The following ASPH variants were observed in gnomAD, a reference collection of about 807,000 sequenced individuals.
ASPH encodes the protein aspartyl/asparaginyl beta-hydroxylase.
In ASPH, 100 loss-of-function variants were observed where a neutral mutation model predicts 118.4. The ratio of observed to expected loss-of-function variants is 0.84; its 90% CI spans 0.72 to 1.00. The LOEUF (loss-of-function observed/expected upper bound fraction) is 1.00. Among genes scored for constraint, ASPH ranks in the 50% least tolerant of loss-of-function variants. The pLI is 0.00. For missense variants in ASPH, 920 were observed against 919.5 expected (o/e 1.00, Z -0.01); for synonymous variants, 315 against 325.6 (o/e 0.97, Z 0.35).
chr8:61,686,790 A>G, intron 1 of ASPH, among the ~76,000 whole-genome samples: 1 of 152,180 alleles, frequency 6.6e-6, no homozygotes, highest in East Asian at 1.9e-4. Context: ...AAACTTCAGT[A>G]AAACTGGGTT....
rs73259391 is a variant in ASPH at position 61,509,804 on chromosome 8, G to T, written c.2127-6295C>A. 9.2e-3 allele frequency among the ~76,000 whole-genome samples: 1,398 copies of T among 152,178 alleles called. 12 individuals are homozygous for T. The highest frequency in any genetic ancestry group is 0.032 in the African/African-American group (1,343 of 41,520). On this transcript the variant is annotated intron_variant, in intron 24 of 24. Coordinates refer to ENST00000379454, the MANE Select transcript of ASPH (RefSeq NM_004318.4). ...AGAAAAAGGAGAGATGTGAGTAGGG[G>T]GGGAGGGTCTCTGCTGCATTCTTGT...
intron 1 of ASPH, among the ~76,000 whole-genome samples, chr8:61,703,748 T>C (rs889196474): frequency 5.3e-5 from 8 of 152,186 alleles, no homozygotes; most frequent in Non-Finnish European, 8.8e-5. Flanking sequence ...GCATGCTTTA[T>C]TCTGTGGAAG....
chr8:61,713,454 A>G (rs1838559610), intron 1 of ASPH, among the ~76,000 whole-genome samples: 1 of 152,242 alleles, frequency 6.6e-6, no homozygotes, highest in Admixed American at 6.5e-5. Flanking sequence ...AAATCACTTC[A>G]AGTGAAGTTT....
intron 3 of ASPH, chr8:61,668,112 A>C: frequency 1.0e-6 from 1 of 965,632 alleles, no homozygotes; most frequent in Non-Finnish European, 1.5e-6. Context: ...GTTGCACCCA[A>C]GCAAGACCCA....
At chr8:61,689,332 AAT>A (rs1449104365) in intron 1 of ASPH, among the ~76,000 whole-genome samples, 1 of 152,132 alleles carries the variant, frequency 6.6e-6, no homozygotes, top group Non-Finnish European at 1.5e-5. Context: ...ATAAAATCTA[AAT>A]ATAGATAATT....
chr8:61,578,424 A>T, intron 15 of ASPH: 2 of 1,603,520 alleles, frequency 1.2e-6, no homozygotes, highest in Non-Finnish European at 1.7e-6. Context: ...AGTCATGGTC[A>T]ACCAGAGCCT....
intron 1 of ASPH, among the ~76,000 whole-genome samples, chr8:61,700,275 C>T (rs762995280): frequency 7.2e-5 from 11 of 152,188 alleles, no homozygotes; most frequent in Non-Finnish European, 1.3e-4. Flanking sequence ...AGGGGCCTCA[C>T]CCCCTTTTCC....
chr8:61,650,043 C>G (rs1450352795), intron 5 of ASPH, among the ~76,000 whole-genome samples: 3 of 152,170 alleles, frequency 2.0e-5, no homozygotes, highest in Non-Finnish European at 4.4e-5. Context: ...TCTGACCCCC[C>G]TTCTGAGTAA....
intron 12 of ASPH, among the ~76,000 whole-genome samples, chr8:61,636,081 G>A (rs1857588143): frequency 6.6e-6 from 1 of 152,080 alleles, no homozygotes; most frequent in African/African-American, 2.4e-5. Context: ...TCTATTATCT[G>A]CAACTGAAAG....
chr8:61,665,142 C>T (rs1818881102), intron 3 of ASPH: 1 of 1,471,734 alleles, frequency 6.8e-7, no homozygotes, highest in African/African-American at 1.4e-5. Flanking sequence ...CATTCAATGG[C>T]TAATTTACAC....
At chr8:61,551,141 G>A (rs1473642911) in intron 20 of ASPH, among the ~76,000 whole-genome samples, 2 of 152,184 alleles carry the variant, frequency 1.3e-5, no homozygotes, top group Admixed American at 1.3e-4. Flanking sequence ...GGAAGTTATG[G>A]GAATACCGAG....
chr8:61,646,657 A>C lies in ASPH; in HGVS notation c.619+93T>G, dbSNP rs1414366138. 27 of 1,299,996 alleles carry C rather than the reference A, an allele frequency of 2.1e-5. No homozygotes were observed. The Admixed American group carries it at 7.6e-4, about 36-fold the overall frequency. The allele number at this position is 1,299,996 out of a possible 1,614,324, so 80.5% of individuals were successfully genotyped here. The stretch of plus-strand genomic sequence containing the variant: ...ACTTTTAAAAATCTAAGCAAAAGTT[A>C]AATATCAGTTTTAAAGGGGTTTAAG... On this transcript the variant is annotated intron_variant, in intron 6 of 24. Coordinates refer to ENST00000379454, the MANE Select transcript of ASPH (RefSeq NM_004318.4).
intron 12 of ASPH, 76 bp downstream of exon 12, chr8:61,637,871 A>C: frequency 2.9e-6 from 4 of 1,397,388 alleles, no homozygotes; most frequent in Non-Finnish European, 4.0e-6. Context: ...CAAGTAGGAA[A>C]TGTTCGATAA....
intron 15 of ASPH, chr8:61,579,724 G>A (rs1836782231): frequency 6.0e-6 from 6 of 996,026 alleles, no homozygotes; most frequent in Non-Finnish European, 7.9e-6. Flanking sequence ...CCCAGAGCCT[G>A]AGAAGGAGGC....
chr8:61,665,451 T>C (rs1212442440), intron 3 of ASPH: 2 of 1,583,990 alleles, frequency 1.3e-6, no homozygotes, highest in Non-Finnish European at 1.7e-6. Context: ...TTTTTACCCT[T>C]AGGAGACTCC....
chr8:61,682,311 C>T, intron 2 of ASPH: 2 of 948,934 alleles, frequency 2.1e-6, no homozygotes, highest in Non-Finnish European at 3.2e-6. Flanking sequence ...CCCTTTCTGA[C>T]AAACCCATAA....
At chr8:61,574,685 C>A (rs764724589) in intron 16 of ASPH, among the ~76,000 whole-genome samples, 1 of 152,136 alleles carries the variant, frequency 6.6e-6, no homozygotes, top group African/African-American at 2.4e-5. Flanking sequence ...ACATCACACA[C>A]CGCGGCCTGT....
At chr8:61,697,134 A>T (rs770076273) in intron 1 of ASPH, among the ~76,000 whole-genome samples, 6 of 152,250 alleles carry the variant, frequency 3.9e-5, no homozygotes, top group Non-Finnish European at 5.9e-5. Flanking sequence ...TCATTAGCAC[A>T]GCATACACAG....
chr8:61,503,466 C>G lies in ASPH; in HGVS notation c.2170G>C (p.Glu724Gln). 1 of 1,612,934 alleles carries G rather than the reference C, an allele frequency of 6.2e-7. No homozygotes were observed. The highest frequency in any genetic ancestry group is 8.5e-7 in the Non-Finnish European group (1 of 1,179,526). ...GKVLIFDDSF[E>Q]HEVWQDASSF... Reference sequence around the variant, plus strand: ...GAGGCATCCTGCCATACCTCGTGCTCAAAGGAGTCATCAAAGATGAGCACC... The same window carrying G: ...GAGGCATCCTGCCATACCTCGTGCTGAAAGGAGTCATCAAAGATGAGCACC... The change falls in exon 25 of 25, where the codon GAG (glutamate) becomes CAG (glutamine). Residue 724 changes from glutamate to glutamine, a missense_variant. Coordinates refer to ENST00000379454, the MANE Select transcript of ASPH (RefSeq NM_004318.4).
Sources: allele counts gnomAD v4.1 joint callset (sites outside exome capture counted in the v4.1 genomes callset), GRCh38; gene constraint gnomAD v4.1.1; transcripts MANE v1.5; gene names NCBI Gene and HGNC (gene_info 2026-07-23, HGNC 2026-07-21).